The following NR5A1 variants were observed in gnomAD, a reference collection of about 807,000 sequenced individuals.
The protein encoded by NR5A1 is steroidogenic factor 1.
In NR5A1, 6 loss-of-function variants were observed where a neutral mutation model predicts 42.7. The ratio of observed to expected loss-of-function variants is 0.14; its 90% confidence interval spans 0.08 to 0.28. NR5A1 has a LOEUF of 0.28. Among genes scored for constraint, NR5A1 ranks in the 10% least tolerant of loss-of-function variants. The pLI, the probability that NR5A1 is intolerant of heterozygous loss-of-function variation, is 1.00. For missense variants in NR5A1, 442 were observed against 626.4 expected (o/e 0.71, Z 3.14); for synonymous variants, 274 against 277.5 (o/e 0.99, Z 0.12).
At chr9:124,505,980 T>C (rs1347877620) in intron 1 of NR5A1, among the ~76,000 whole-genome samples, 1 of 152,164 alleles carries the variant, frequency 6.6e-6, no homozygotes, top group Non-Finnish European at 1.5e-5. Context: ...TTGGGGACCA[T>C]GAGGCCAAAA....
intron 6 of NR5A1, 49 bp downstream of exon 6, chr9:124,491,032 C>CCCCCCCCCCCAGGGGGGG: frequency 7.9e-7 from 1 of 1,258,250 alleles, no homozygotes; most frequent in Non-Finnish European, 1.1e-6. Flanking sequence ...CCCTCCCACC[C>CCCCCCCCCCCAGGGGGGG]ACCCGCCTCT....
In NR5A1 at chr9:124,481,576, G is replaced by A. The variant is rs1832128283; in HGVS notation, c.*1182C>T. ...ACCTAGGACAGGGGGTCAGGGAGCTGAGGGCCAGCTTCATGGGTTTGCAGC... is the reference window on the plus strand; with the variant it reads ...ACCTAGGACAGGGGGTCAGGGAGCTAAGGGCCAGCTTCATGGGTTTGCAGC... On this transcript the variant is annotated 3_prime_UTR_variant, in exon 7 of 7. Coordinates refer to ENST00000373588, the MANE Select transcript of NR5A1 (RefSeq NM_004959.5). 6.6e-6 allele frequency: 1 copy of A among 152,416 alleles called. No homozygotes were observed. The highest frequency in any genetic ancestry group is 2.4e-5 in the African/African-American group (1 of 41,454). The allele number at this position is 152,416 out of a possible 1,614,324, so 9.4% of individuals were successfully genotyped here.
intron 6 of NR5A1, 71 bp from the exon 7 acceptor site, chr9:124,483,076 C>A: frequency 6.2e-7 from 1 of 1,606,048 alleles, no homozygotes; most frequent in Non-Finnish European, 8.5e-7. Context: ...AACACCGTCA[C>A]CAGCATCACC....
At chr9:124,490,223 C>T (rs1832285579) in intron 6 of NR5A1, among the ~76,000 whole-genome samples, 1 of 152,250 alleles carries the variant, frequency 6.6e-6, no homozygotes, top group African/African-American at 2.4e-5. Flanking sequence ...AAGAGCTCTG[C>T]TCCCCACCCA....
Position 124,482,831 on chromosome 9 carries a change from T to C in NR5A1, c.1313A>G (p.Tyr438Cys), listed in dbSNP as rs781689236. ...ALSMQAKEYLYHKHLGNEMPR... is the reference protein window; with the variant it reads ...ALSMQAKEYLCHKHLGNEMPR... ...CATCTCGTTGCCCAGGTGCTTGTGG[T>C]ACAGGTACTCCTTGGCCTGCATGCT... The change falls in exon 7 of 7, where the codon TAC (tyrosine) becomes TGC (cysteine). Residue 438 changes from tyrosine to cysteine, a missense_variant. This residue lies in a region of NR5A1 where 163 missense variants were observed against 265.8 expected (regional missense o/e 0.61). Transcript: ENST00000373588. The C allele has an allele frequency of 4.3e-6, 7 of 1,612,026 alleles. No individual in the cohort carries two copies. Among genetic ancestry groups the C allele is most frequent in the Non-Finnish European group, 5.1e-6 (6 of 1,179,358 alleles).
At chr9:124,502,988 A>G (rs1832490934) in intron 3 of NR5A1, 91 bp downstream of exon 3, 5 of 1,475,868 alleles carry the variant, frequency 3.4e-6, no homozygotes, top group African/African-American at 2.8e-5. Flanking sequence ...GCGAAGGCCA[A>G]TGGTACTATC....
At position 124,503,776 on chromosome 9, in the gene NR5A1, A is replaced by AG. The variant is rs1832505201; in HGVS notation, c.-15-367dup. Among the ~76,000 whole-genome samples the AG allele has an allele frequency of 6.6e-6, 1 of 152,220 alleles. No homozygotes were observed. Among genetic ancestry groups the AG allele is most frequent in the African/African-American group, 2.4e-5 (1 of 41,456 alleles). On this transcript the variant is annotated intron_variant, in intron 1 of 6. Coordinates refer to ENST00000373588, the MANE Select transcript of NR5A1 (RefSeq NM_004959.5). This position sits in a 1 kb window ranked among gnomAD's most constrained non-coding sequence, Gnocchi z 9.6. ...TGGGCTCAGCCGCGGGGAAGACGCC[A>AG]GGGGACCCAGGAGCGCTGGGGCGCC...
intron 6 of NR5A1, among the ~76,000 whole-genome samples, chr9:124,487,003 G>A (rs988191641): frequency 6.6e-6 from 1 of 152,260 alleles, no homozygotes; most frequent in African/African-American, 2.4e-5. Context: ...TGCATGCCCA[G>A]CTCTGGGCCC....
rs1832500991 is a variant in NR5A1, at chr9:124,503,523, C to T, written c.-15-113G>A. 3.7e-6 allele frequency: 3 copies of T among 812,700 alleles called. No individual in the cohort carries two copies. The highest frequency in any genetic ancestry group is 5.4e-6 in the Non-Finnish European group (3 of 553,238). The allele number at this position is 812,700 out of a possible 1,614,324, so 50.3% of individuals were successfully genotyped here. A position where few individuals can be genotyped will look rare whatever the true frequency, so the allele number is the denominator to read the frequency against. On this transcript the variant is annotated intron_variant, in intron 1 of 6. Transcript: ENST00000373588. The surrounding 1 kb of genome is among the most constrained non-coding windows in gnomAD (Gnocchi z 9.6). Reference sequence around the variant, plus strand: ...CCGTCGCGTAATCCCCTCTCTGTGCCCAGGCGCTGCCGCCGGCACCCACCG... The same window carrying T: ...CCGTCGCGTAATCCCCTCTCTGTGCTCAGGCGCTGCCGCCGGCACCCACCG...
In NR5A1 at chr9:124,487,190, C is replaced by T. The variant is rs576118247; in HGVS notation, c.1138+3891G>A. Reference sequence around the variant, plus strand: ...GGGGGCCCCCAGGTTCTCAGAAAAGCCCCCTTTTCATGGTTTAATTGAATA... The same window carrying T: ...GGGGGCCCCCAGGTTCTCAGAAAAGTCCCCTTTTCATGGTTTAATTGAATA... On this transcript the variant is annotated intron_variant, in intron 6 of 6. Coordinates refer to ENST00000373588, the MANE Select transcript of NR5A1 (RefSeq NM_004959.5). 2.6e-5 allele frequency among the ~76,000 whole-genome samples: 4 copies of T among 152,362 alleles called. No individual in the cohort carries two copies. The South Asian group carries it at 6.2e-4, about 24-fold the overall frequency.
chr9:124,494,197 T>C (rs1043035967), intron 4 of NR5A1, among the ~76,000 whole-genome samples: 2 of 152,182 alleles, frequency 1.3e-5, no homozygotes, highest in African/African-American at 4.8e-5. Context: ...CCGTGCCCTA[T>C]GGCAAATGCA....
intron 4 of NR5A1, among the ~76,000 whole-genome samples, chr9:124,495,626 C>A (rs146026198): frequency 3.3e-4 from 51 of 152,296 alleles, no homozygotes; most frequent in South Asian, 1.2e-3. Flanking sequence ...TGTCCCCCCG[C>A]CCCTCGCAGG....
chr9:124,490,326 A>G (rs1474627465), intron 6 of NR5A1, among the ~76,000 whole-genome samples: 4 of 152,186 alleles, frequency 2.6e-5, no homozygotes, highest in Non-Finnish European at 4.4e-5. Context: ...CTATGTCCTC[A>G]GCATCTCTGG....
intron 4 of NR5A1, among the ~76,000 whole-genome samples, chr9:124,495,236 C>A (rs1161265101): frequency 6.6e-6 from 1 of 152,212 alleles, no homozygotes; most frequent in Non-Finnish European, 1.5e-5. Flanking sequence ...GAGACTGAGG[C>A]CTGGGCAGGG....
At chr9:124,484,505 G>A (rs900728740) in intron 6 of NR5A1, among the ~76,000 whole-genome samples, 1 of 152,192 alleles carries the variant, frequency 6.6e-6, no homozygotes, top group East Asian at 1.9e-4. Context: ...CATCCTAGTA[G>A]TTTGGGAGGC....
At position 124,491,248 on chromosome 9, in the gene NR5A1, G is replaced by T; in HGVS notation, c.991-20C>A. ...CTCCACCTGGGGGCAGAGGGCACGG[G>T]GCGGGGGACAGTCAGAGGACGTGGG... is the stretch of plus-strand genomic sequence containing the variant. On this transcript the variant is annotated intron_variant, in intron 5 of 6. Coordinates refer to ENST00000373588, the MANE Select transcript of NR5A1 (RefSeq NM_004959.5). 6.3e-7 allele frequency: 1 copy of T among 1,583,460 alleles called. No individual in the cohort carries two copies. Among genetic ancestry groups the T allele is most frequent in the South Asian group, 1.1e-5 (1 of 88,502 alleles).
At chr9:124,502,429 A>C (rs1340090486) in intron 3 of NR5A1, among the ~76,000 whole-genome samples, 1 of 152,066 alleles carries the variant, frequency 6.6e-6, no homozygotes, top group Non-Finnish European at 1.5e-5. Context: ...TTCCAGGCTC[A>C]AGTGATCCCC....
chr9:124,484,366 G>A (rs1444016879), intron 6 of NR5A1, among the ~76,000 whole-genome samples: 2 of 152,198 alleles, frequency 1.3e-5, no homozygotes, highest in East Asian at 1.9e-4. Flanking sequence ...CCCACACAAT[G>A]CAGGGCAAAG....
chr9:124,498,733 T>C lies in NR5A1; in HGVS notation c.870+1357A>G, dbSNP rs955327351. 1.3e-5 allele frequency among the ~76,000 whole-genome samples: 2 copies of C among 152,140 alleles called. No individual in the cohort carries two copies. Among genetic ancestry groups the C allele is most frequent in the African/African-American group, 4.8e-5 (2 of 41,432 alleles). On this transcript the variant is annotated intron_variant, in intron 4 of 6. Coordinates refer to ENST00000373588, the MANE Select transcript of NR5A1 (RefSeq NM_004959.5). This position sits in a 1 kb window ranked among gnomAD's most constrained non-coding sequence, Gnocchi z 4.6. ...GGTCGGACCAGAGAGGCGGGCAGTG[T>C]TGAGAAGGGGCTGGGGTGAGAAACC...
Sources: gnomAD v4.1 joint callset for allele counts (sites outside exome capture counted in the v4.1 genomes callset) on GRCh38, gnomAD v4.1.1 for gene constraint, gnomAD v4.1.1 regional missense constraint, Gnocchi (gnomAD v3.1) non-coding constraint, MANE v1.5 for transcripts, NCBI Gene and HGNC (gene_info 2026-07-23, HGNC 2026-07-21) for gene names.